BLTP3B: variants seen among roughly 807,000 people sequenced by gnomAD.
BLTP3B encodes the protein bridge-like lipid transfer protein family member 3B.
At chr12:100,141,461 A>G in the BLTP3B span, among the ~76,000 whole-genome samples, 1 of 148,232 alleles carries the variant, frequency 6.7e-6, no homozygotes, top group Non-Finnish European at 1.5e-5. Flanking sequence ...ACACACACAC[A>G]CGCTGCTATA....
At chr12:100,109,610 A>C in the BLTP3B span, among the ~76,000 whole-genome samples, 399 of 152,160 alleles carry the variant, frequency 2.6e-3, 2 homozygotes, top group Middle Eastern at 0.024. Context: ...CTAAAAATAC[A>C]AAAATATTAG....
chr12:100,048,031 A>G, the BLTP3B span: 2 of 1,610,806 alleles, frequency 1.2e-6, no homozygotes, highest in Non-Finnish European at 1.7e-6. Context: ...TTGAATATTC[A>G]TAAGAGAAGA....
the BLTP3B span, among the ~76,000 whole-genome samples, chr12:100,135,281 C>CTTTTTTTTTTTTTT: frequency 5.7e-5 from 8 of 141,222 alleles, no homozygotes; most frequent in African/African-American, 1.7e-4. Flanking sequence ...TTCTTTCTTT[C>CTTTTTTTTTTTTTT]TTTTTTTTTT....
At chr12:100,129,846 A>G in the BLTP3B span, among the ~76,000 whole-genome samples, 5 of 152,188 alleles carry the variant, frequency 3.3e-5, no homozygotes, top group African/African-American at 9.7e-5. Context: ...CTAAAAAATT[A>G]CCCTTAACTT....
the BLTP3B span, among the ~76,000 whole-genome samples, chr12:100,142,363 G>C: frequency 2.0e-5 from 3 of 152,156 alleles, no homozygotes; most frequent in Non-Finnish European, 1.5e-5. Context: ...GCTCCTCCGC[G>C]CGCCCACCCT....
the BLTP3B span, among the ~76,000 whole-genome samples, chr12:100,044,475 A>T: frequency 6.6e-6 from 1 of 152,222 alleles, no homozygotes; most frequent in East Asian, 1.9e-4. Flanking sequence ...AGTGAAGCCC[A>T]GAAGATATAA....
chr12:100,102,110 CTTTTTTTT>C, the BLTP3B span, among the ~76,000 whole-genome samples: 1 of 135,098 alleles, frequency 7.4e-6, no homozygotes, highest in African/African-American at 2.8e-5. Context: ...CAACTTAACT[CTTTTTTTT>C]TTTTTTTTTG....
the BLTP3B span, among the ~76,000 whole-genome samples, chr12:100,094,661 A>G: frequency 1.3e-5 from 2 of 152,236 alleles, no homozygotes; most frequent in African/African-American, 2.4e-5. Context: ...GTTCGGGACC[A>G]GCATGGCCAA....
chr12:100,131,037 G>T, the BLTP3B span, among the ~76,000 whole-genome samples: 1 of 141,388 alleles, frequency 7.1e-6, no homozygotes, highest in South Asian at 2.3e-4. Context: ...GAGAGAGAAA[G>T]AGTTTTTTGC....
the BLTP3B span, among the ~76,000 whole-genome samples, chr12:100,061,062 C>T: frequency 3.3e-5 from 5 of 152,142 alleles, no homozygotes; most frequent in South Asian, 6.2e-4. Flanking sequence ...CTTAAAAGTT[C>T]GTAGTTTATT....
At chr12:100,054,123 A>G in the BLTP3B span, among the ~76,000 whole-genome samples, 4 of 152,216 alleles carry the variant, frequency 2.6e-5, no homozygotes, top group African/African-American at 4.8e-5. Flanking sequence ...TAGCACTTTT[A>G]TAACTGATAA....
the BLTP3B span, chr12:100,060,039 T>C: frequency 1.4e-5 from 22 of 1,577,726 alleles, no homozygotes; most frequent in Non-Finnish European, 1.8e-5. Context: ...GGTTGGGAGA[T>C]GGAACTGTGG....
At chr12:100,039,919 T>C in the BLTP3B span, 3 of 702,364 alleles carry the variant, frequency 4.3e-6, no homozygotes, top group African/African-American at 1.9e-5. Context: ...TAGTATGAGA[T>C]AGAACAACCA....
At chr12:100,037,664 TGAA>T in the BLTP3B span, 3 of 1,609,670 alleles carry the variant, frequency 1.9e-6, no homozygotes, top group East Asian at 2.2e-5. Context: ...CTTTATATGA[TGAA>T]GAAGAGCATC....
the BLTP3B span, among the ~76,000 whole-genome samples, chr12:100,100,013 T>A: frequency 6.6e-6 from 1 of 151,380 alleles, no homozygotes; most frequent in African/African-American, 2.4e-5. Context: ...AATGCTATTC[T>A]CAGCCAGGCA....
At chr12:100,142,757 G>C in the BLTP3B span, 6 of 1,438,384 alleles carry the variant, frequency 4.2e-6, no homozygotes, top group Non-Finnish European at 4.6e-6. Flanking sequence ...CTCACGACCG[G>C]GAGAGACCCA....
chr12:100,126,605 A>G, the BLTP3B span, among the ~76,000 whole-genome samples: 1 of 151,462 alleles, frequency 6.6e-6, no homozygotes, highest in Non-Finnish European at 1.5e-5. Flanking sequence ...TGTTATAAAC[A>G]AAATTTTTTA....
the BLTP3B span, chr12:100,093,026 C>G: frequency 1.1e-6 from 1 of 916,876 alleles, no homozygotes; most frequent in South Asian, 5.0e-5. Flanking sequence ...AAAACTTCCA[C>G]TGGCTCCCAA....
At chr12:100,093,689 C>T in the BLTP3B span, among the ~76,000 whole-genome samples, 29 of 152,114 alleles carry the variant, frequency 1.9e-4, no homozygotes, top group Non-Finnish European at 3.5e-4. Context: ...CTTAATGCAA[C>T]CATATTCTCT....
Sources: gnomAD v4.1 joint callset for allele counts (sites outside exome capture counted in the v4.1 genomes callset) on GRCh38, gnomAD v4.1.1 for gene constraint, MANE v1.5 for transcripts, NCBI Gene and HGNC (gene_info 2026-07-23, HGNC 2026-07-21) for gene names.